PRDM5: variants seen among roughly 807,000 people sequenced by gnomAD.
PRDM5 encodes PR/SET domain 5.
In PRDM5, 56 loss-of-function variants were observed where a neutral mutation model predicts 81.2. The observed-to-expected ratio is 0.69, with a 90% confidence interval of 0.56 to 0.86. PRDM5 has a LOEUF of 0.86. PRDM5 is among the 40% of genes least tolerant of loss of function. PRDM5 has a pLI of 0.00. For synonymous variants in PRDM5, 267 were observed against 256.4 expected (o/e 1.04, Z -0.39); for missense variants, 697 against 770.1 (o/e 0.91, Z 1.12).
downstream of PRDM5, among the ~76,000 whole-genome samples, chr4:120,689,830 T>C (rs536756361): frequency 5.9e-5 from 9 of 152,044 alleles, no homozygotes; most frequent in African/African-American, 2.2e-4. Context: ...GCACAGGCTG[T>C]TGTCGAACTC....
intron 2 of PRDM5, among the ~76,000 whole-genome samples, chr4:120,858,532 C>T (rs1382985906): frequency 6.7e-6 from 1 of 150,026 alleles, no homozygotes; most frequent in African/African-American, 2.4e-5. Flanking sequence ...AAAGGATTCT[C>T]TCTAAAATTA....
intron 14 of PRDM5, among the ~76,000 whole-genome samples, chr4:120,724,776 T>C (rs1739147852): frequency 6.6e-6 from 1 of 152,158 alleles, no homozygotes; most frequent in Admixed American, 6.5e-5. Context: ...AGCAGAAAGG[T>C]GCTATCACAC....
chr4:120,868,893 T>G (rs1053843653), intron 2 of PRDM5, among the ~76,000 whole-genome samples: 5 of 152,182 alleles, frequency 3.3e-5, no homozygotes, highest in Non-Finnish European at 7.4e-5. Flanking sequence ...ATGAATATTA[T>G]ATTCTTTTCC....
chr4:120,785,149 A>C, intron 10 of PRDM5, 58 bp from the exon 11 acceptor site: 1 of 1,303,146 alleles, frequency 7.7e-7, no homozygotes, highest in Non-Finnish European at 1.1e-6. Context: ...ATTACAATGA[A>C]CGAGTGGAGC....
chr4:120,699,968 T>TAAATAAATAAAA (rs1427462958), intron 15 of PRDM5, among the ~76,000 whole-genome samples: 3 of 151,042 alleles, frequency 2.0e-5, no homozygotes, highest in African/African-American at 7.3e-5. Context: ...AATAAATAAA[T>TAAATAAATAAAA]AAAAAGCCCA....
chr4:120,788,569 C>T (rs1419527307), intron 10 of PRDM5, among the ~76,000 whole-genome samples: 2 of 152,316 alleles, frequency 1.3e-5, no homozygotes, highest in East Asian at 1.9e-4. Flanking sequence ...CACAGGATTG[C>T]TCCCATCTTC....
At chr4:120,902,606 C>T (rs532454692) in intron 2 of PRDM5, among the ~76,000 whole-genome samples, 2 of 152,282 alleles carry the variant, frequency 1.3e-5, no homozygotes, top group East Asian at 1.9e-4. Flanking sequence ...ACACTGGTTC[C>T]TAACCTCAAG....
At position 120,757,345 on chromosome 4, in the gene PRDM5, C is replaced by T. The variant is rs1744897080; in HGVS notation, c.1538-2707G>A. ...GTAACTCTGACAAGGTCATCCAATG[C>T]CATTGAACCTTTGAAAAACTGGATA... is the stretch of plus-strand genomic sequence containing the variant. On this transcript the variant is annotated intron_variant, in intron 13 of 15. Transcript: ENST00000264808. Among the ~76,000 whole-genome samples the T allele has an allele frequency of 3.3e-5, 5 of 152,288 alleles. 1 individual carries two copies. In the South Asian group the frequency reaches 8.3e-4, roughly 25 times the overall value.
At chr4:120,868,346 A>G (rs983019986) in intron 2 of PRDM5, among the ~76,000 whole-genome samples, 3 of 152,208 alleles carry the variant, frequency 2.0e-5, no homozygotes, top group African/African-American at 4.8e-5. Flanking sequence ...CATTTCTGCA[A>G]CTAAATGTAT....
At chr4:120,735,861 T>C (rs187712004) in intron 14 of PRDM5, among the ~76,000 whole-genome samples, 2 of 152,272 alleles carry the variant, frequency 1.3e-5, no homozygotes, top group African/African-American at 4.8e-5. Context: ...TTTTTAAATA[T>C]ATAAATGTAT....
rs11933945 is a variant in PRDM5 at position 120,805,309 on chromosome 4, C to A, written c.946-5564G>T. Among the ~76,000 whole-genome samples the A allele has an allele frequency of 3.1e-3, 474 of 152,250 alleles. 3 individuals are homozygous for A. The highest frequency in any genetic ancestry group is 0.011 in the African/African-American group (465 of 41,556). On this transcript the variant is annotated intron_variant, in intron 8 of 15. Coordinates refer to ENST00000264808, the MANE Select transcript of PRDM5 (RefSeq NM_018699.4). ...TGGTACCATTTCTTCTGAAACTATTCCAATCAATAGAAAAAGAGGGAATCC... is the reference window on the plus strand; with the variant it reads ...TGGTACCATTTCTTCTGAAACTATTACAATCAATAGAAAAAGAGGGAATCC...
In PRDM5 at chr4:120,807,986, G is replaced by A. The variant is rs545537277; in HGVS notation, c.945+3384C>T. Among the ~76,000 whole-genome samples, 10 of 152,274 alleles carry A rather than the reference G, an allele frequency of 6.6e-5. No homozygotes were observed. In the East Asian group the frequency reaches 9.7e-4, roughly 15 times the overall value. On this transcript the variant is annotated intron_variant, in intron 8 of 15. Transcript: ENST00000264808. ...ACATCTGGAGTTGTTTGCTCCTCCC[G>A]GTGGGTTCACGGTCTCACTGGCCTC...
chr4:120,790,428 A>T (rs1182456496), intron 10 of PRDM5, among the ~76,000 whole-genome samples: 1 of 152,194 alleles, frequency 6.6e-6, no homozygotes, highest in East Asian at 1.9e-4. Context: ...GCATAAAAAT[A>T]GGCAGCCTAA....
intron 10 of PRDM5, among the ~76,000 whole-genome samples, chr4:120,790,408 A>C (rs534473627): frequency 6.6e-6 from 1 of 152,298 alleles, no homozygotes; most frequent in South Asian, 2.1e-4. Flanking sequence ...ATTGTACAGG[A>C]GAATTTTCTG....
intron 14 of PRDM5, chr4:120,731,753 G>A (rs771493059): frequency 1.3e-5 from 2 of 152,112 alleles, no homozygotes; most frequent in African/African-American, 2.4e-5. Flanking sequence ...GGATGTGATG[G>A]CCAGAGTGGC....
intron 3 of PRDM5, among the ~76,000 whole-genome samples, chr4:120,833,601 T>C (rs1756975318): frequency 6.6e-6 from 1 of 152,192 alleles, no homozygotes; most frequent in African/African-American, 2.4e-5. Flanking sequence ...GGAAGGAATC[T>C]ATGCTAGTCT....
At chr4:120,713,446 C>T (rs1406205760) in intron 14 of PRDM5, among the ~76,000 whole-genome samples, 3 of 152,070 alleles carry the variant, frequency 2.0e-5, no homozygotes, top group African/African-American at 4.8e-5. Context: ...TTTGTGATTA[C>T]TGATATACTT....
chr4:120,741,632 G>A (rs1484044361), intron 14 of PRDM5, among the ~76,000 whole-genome samples: 4 of 152,038 alleles, frequency 2.6e-5, no homozygotes, highest in East Asian at 1.9e-4. Flanking sequence ...AAAGGGTCAG[G>A]GAGTTCCCTT....
At chr4:120,729,431 T>C (rs1230956106) in intron 14 of PRDM5, among the ~76,000 whole-genome samples, 2 of 152,186 alleles carry the variant, frequency 1.3e-5, no homozygotes, top group Non-Finnish European at 2.9e-5. Context: ...GCAGCATGAC[T>C]GAGAGGCCCC....
Sources: gnomAD v4.1 joint callset for allele counts (sites outside exome capture counted in the v4.1 genomes callset) on GRCh38, gnomAD v4.1.1 for gene constraint, MANE v1.5 for transcripts, NCBI Gene and HGNC (gene_info 2026-07-23, HGNC 2026-07-21) for gene names.